The following COL23A1 variants were observed in gnomAD, a reference collection of about 807,000 sequenced individuals.
COL23A1 encodes the protein collagen type XXIII alpha 1 chain, also known as collagen alpha-1(XXIII) chain.
In COL23A1, 97 loss-of-function variants were observed where a neutral mutation model predicts 99.3. The observed-to-expected ratio is 0.98, with a 90% CI of 0.83 to 1.16. The LOEUF is 1.16. COL23A1 is among the 50% of genes most tolerant of loss of function. The probability of loss-of-function intolerance (pLI) is 0.00; values close to 1 mark genes in which losing one functional copy is unlikely to be tolerated. For missense variants in COL23A1, 762 were observed against 757.4 expected, an observed-to-expected ratio of 1.01 and a Z score of -0.07; for synonymous variants, 320 against 308.2, an observed-to-expected ratio of 1.04 and a Z score of -0.40.
intron 1 of COL23A1, among the ~76,000 whole-genome samples, chr5:178,584,148 T>A (rs1216152705): frequency 6.6e-6 from 1 of 152,184 alleles, no homozygotes; most frequent in East Asian, 1.9e-4. Flanking sequence ...TAGCTGGGAT[T>A]ACAGGCACAT....
In COL23A1 at chr5:178,387,702, G is replaced by A. The variant is rs891572521; in HGVS notation, c.362-80783C>T. ...CAAAGAACACACTCAGTAAATACAC[G>A]CTGAGCTAATGAATGAACGAACGAC... On this transcript the variant is annotated intron_variant, in intron 2 of 28. Coordinates refer to ENST00000390654, the MANE Select transcript of COL23A1 (RefSeq NM_173465.4). This position sits in a 1 kb window ranked among gnomAD's most constrained non-coding sequence, Gnocchi z 4.7. Among the ~76,000 whole-genome samples, 1 of 152,176 alleles carries A rather than the reference G, an allele frequency of 6.6e-6. No individual in the cohort carries two copies. The highest frequency in any genetic ancestry group is 1.5e-5 in the Non-Finnish European group (1 of 68,034).
chr5:178,582,888 G>C (rs1455957329), intron 1 of COL23A1, among the ~76,000 whole-genome samples: 1 of 152,192 alleles, frequency 6.6e-6, no homozygotes, highest in African/African-American at 2.4e-5. Flanking sequence ...TAGGTGGCCT[G>C]ACCTGGGCAC....
intron 2 of COL23A1, chr5:178,443,140 C>A (rs554547162): frequency 1.3e-5 from 2 of 152,304 alleles, no homozygotes; most frequent in Non-Finnish European, 2.9e-5. Flanking sequence ...ACCCCACCCA[C>A]CTACAGCGTT....
intron 2 of COL23A1, among the ~76,000 whole-genome samples, chr5:178,456,830 T>C (rs1346589784): frequency 6.6e-6 from 1 of 150,752 alleles, no homozygotes; most frequent in Non-Finnish European, 1.5e-5. Flanking sequence ...TTTCTTAAGA[T>C]AGTAAAAATG....
intron 1 of COL23A1, among the ~76,000 whole-genome samples, chr5:178,569,816 CTG>C (rs2113641991): frequency 6.6e-6 from 1 of 152,168 alleles, no homozygotes; most frequent in African/African-American, 2.4e-5. Flanking sequence ...TCACAGTTCC[CTG>C]CCACACAGCC....
intron 2 of COL23A1, among the ~76,000 whole-genome samples, chr5:178,326,880 T>A (rs541135676): frequency 6.6e-6 from 1 of 152,280 alleles, no homozygotes; most frequent in African/African-American, 2.4e-5. Context: ...CCACCACGCC[T>A]GGCTAATTTT....
At chr5:178,271,204 G>C (rs1756267140) in intron 5 of COL23A1, among the ~76,000 whole-genome samples, 2 of 152,290 alleles carry the variant, frequency 1.3e-5, no homozygotes, top group South Asian at 4.1e-4. Flanking sequence ...CCTCCGTGTG[G>C]GAGTGGGGAG....
At chr5:178,509,952 G>A (rs1037160290) in intron 2 of COL23A1, among the ~76,000 whole-genome samples, 4 of 152,104 alleles carry the variant, frequency 2.6e-5, no homozygotes, top group Non-Finnish European at 5.9e-5. Flanking sequence ...TAAAGCTCAC[G>A]GGGGGCTGAG....
At chr5:178,527,262 A>G (rs1223289253) in intron 2 of COL23A1, among the ~76,000 whole-genome samples, 6 of 152,132 alleles carry the variant, frequency 3.9e-5, no homozygotes, top group Non-Finnish European at 8.8e-5. Flanking sequence ...GAGCTGACTG[A>G]CACTCACCCT....
chr5:178,293,210 T>A (rs887784472), intron 3 of COL23A1, among the ~76,000 whole-genome samples: 1 of 151,568 alleles, frequency 6.6e-6, no homozygotes, highest in East Asian at 1.9e-4. Context: ...ATGAGAGTGG[T>A]CCAGCAGAGA....
intron 2 of COL23A1, among the ~76,000 whole-genome samples, chr5:178,358,260 A>ATATGTGTGTATGTG (rs1205168031): frequency 8.4e-6 from 1 of 119,348 alleles, no homozygotes; most frequent in Non-Finnish European, 1.7e-5. Context: ...GTGTGTATGT[A>ATATGTGTGTATGTG]TATGTGTGTA....
intron 27 of COL23A1, among the ~76,000 whole-genome samples, chr5:178,241,467 C>T (rs560075550): frequency 5.3e-5 from 8 of 152,228 alleles, no homozygotes; most frequent in South Asian, 2.1e-4. Flanking sequence ...GTGGTCCCAC[C>T]GTCTGTGCTT....
At chr5:178,372,507 G>C (rs557445169) in intron 2 of COL23A1, among the ~76,000 whole-genome samples, 72 of 152,348 alleles carry the variant, frequency 4.7e-4, no homozygotes, top group African/African-American at 1.5e-3. Flanking sequence ...CGAAATCCTG[G>C]GGGGCGGGGG....
chr5:178,320,150 T>C (rs1401777499), intron 2 of COL23A1, among the ~76,000 whole-genome samples: 1 of 152,256 alleles, frequency 6.6e-6, no homozygotes, highest in Non-Finnish European at 1.5e-5. Context: ...CTTATTTCTA[T>C]GAAAATTGCC....
At chr5:178,508,933 G>A (rs555101863) in intron 2 of COL23A1, among the ~76,000 whole-genome samples, 105 of 152,252 alleles carry the variant, frequency 6.9e-4, no homozygotes, top group African/African-American at 2.4e-3. Context: ...GTTGCACTTA[G>A]GAGGAACAGA....
At chr5:178,371,346 T>C (rs564074044) in intron 2 of COL23A1, among the ~76,000 whole-genome samples, 4 of 152,292 alleles carry the variant, frequency 2.6e-5, no homozygotes, top group Admixed American at 2.0e-4. Flanking sequence ...ACTCAGACTA[T>C]GGCCCCAGTT....
Position 178,589,927 on chromosome 5 carries a change from G to C in COL23A1, c.271C>G (p.His91Asp). 7.6e-7 allele frequency: 1 copy of C among 1,321,648 alleles called. No homozygotes were observed. Among genetic ancestry groups the C allele is most frequent in the Non-Finnish European group, 9.6e-7 (1 of 1,042,118 alleles). 81.9% of individuals were successfully genotyped at this position (1,321,648 alleles called of 1,614,324 possible). A position where few individuals can be genotyped will look rare whatever the true frequency, so the allele number is the denominator to read the frequency against. Reference protein sequence around the residue: ...PGALDAWAEPHLERLLREKLD... With the variant: ...PGALDAWAEPDLERLLREKLD... ...ACCTCCCGCAGCAGGCGCTCCAGGT[G>C]CGGCTCGGCCCAGGCGTCCAGGGCG... The change falls in exon 1 of 29, where the codon CAC (histidine) becomes GAC (aspartate). Residue 91 changes from histidine (H) to aspartate (D), a missense_variant. By Grantham distance (81) the His-to-Asp change is moderately conservative. Transcript: ENST00000390654. The surrounding 1 kb of genome is among the most constrained non-coding windows in gnomAD (Gnocchi z 5.4).
In COL23A1 at chr5:178,245,983, A is replaced by T; in HGVS notation, c.1414-15T>A. The T allele has an allele frequency of 6.2e-7, 1 of 1,613,976 alleles. No homozygotes were observed. The highest frequency in any genetic ancestry group is 8.5e-7 in the Non-Finnish European group (1 of 1,179,976). Reference sequence around the variant, plus strand: ...CCGGGTCTGCCCTGAGGAGAGACACAGAGTGGGTGAGAGGGGTTGGGGAGG... The same window carrying T: ...CCGGGTCTGCCCTGAGGAGAGACACTGAGTGGGTGAGAGGGGTTGGGGAGG... On this transcript the variant is annotated splice_polypyrimidine_tract_variant and intron_variant, in intron 24 of 28. Transcript: ENST00000390654.
At chr5:178,522,147 G>A (rs142155724) in intron 2 of COL23A1, among the ~76,000 whole-genome samples, 160 of 152,292 alleles carry the variant, frequency 1.1e-3, no homozygotes, top group Middle Eastern at 0.01. Flanking sequence ...AAAACTTTCC[G>A]AGTTAACTGG....
Sources: allele counts gnomAD v4.1 joint callset (sites outside exome capture counted in the v4.1 genomes callset), GRCh38; gene constraint gnomAD v4.1.1; non-coding constraint Gnocchi (gnomAD v3.1); transcripts MANE v1.5; gene names NCBI Gene and HGNC (gene_info 2026-07-23, HGNC 2026-07-21).